TUBA1A: variants seen among roughly 807,000 people sequenced by gnomAD.
TUBA1A encodes tubulin alpha-1A chain.
TUBA1A carries 7 observed loss-of-function variants against 34.6 expected under a neutral mutation model. The ratio of observed to expected loss-of-function variants is 0.20; its 90% confidence interval spans 0.11 to 0.38. TUBA1A has a LOEUF of 0.38. TUBA1A is among the 10% of genes least tolerant of loss of function. The pLI is 1.00. For synonymous variants in TUBA1A, 193 were observed against 210.2 expected (o/e 0.92, Z 0.71); for missense variants, 19 against 581.3 (o/e 0.03, Z 9.95).
At position 49,188,663 on chromosome 12, in the gene TUBA1A, C is replaced by T; in HGVS notation, c.3+314G>A. Reference sequence around the variant, plus strand: ...AGACACGGGGCCCAGCCGGGACGCCCCAGACCCCTCGGTCGCGGCAGACGG... The same window carrying T: ...AGACACGGGGCCCAGCCGGGACGCCTCAGACCCCTCGGTCGCGGCAGACGG... On this transcript the variant is annotated intron_variant, in intron 1 of 3. Coordinates refer to ENST00000301071, the MANE Select transcript of TUBA1A (RefSeq NM_006009.4). This position sits in a 1 kb window ranked among gnomAD's most constrained non-coding sequence, Gnocchi z 4.9. 2 of 1,438,790 alleles carry T rather than the reference C, an allele frequency of 1.4e-6. No individual in the cohort carries two copies. Among genetic ancestry groups the T allele is most frequent in the South Asian group, 1.5e-5 (1 of 66,568 alleles). 89.1% of individuals were successfully genotyped at this position (1,438,790 alleles called of 1,614,324 possible). A position where few individuals can be genotyped will look rare whatever the true frequency, so the allele number is the denominator to read the frequency against.
At chr12:49,187,210 A>C in intron 1 of TUBA1A, 1 of 1,137,950 alleles carries the variant, frequency 8.8e-7, no homozygotes, top group East Asian at 6.7e-5. Context: ...CTTTTAAATA[A>C]AGATGAAAGT....
chr12:49,188,797 T>C lies in TUBA1A; in HGVS notation c.3+180A>G. 16 of 1,591,922 alleles carry C rather than the reference T, an allele frequency of 1.0e-5. No homozygotes were observed. Among genetic ancestry groups the C allele is most frequent in the Non-Finnish European group, 1.4e-5 (16 of 1,175,964 alleles). ...CTGGGCGCAGTACTGGCCCGGTTCC[T>C]GCACCCGCACTGCGGCGGCGGCGGG... On this transcript the variant is annotated intron_variant, in intron 1 of 3. Transcript: ENST00000301071. The surrounding 1 kb of genome is among the most constrained non-coding windows in gnomAD (Gnocchi z 4.9).
In TUBA1A at chr12:49,188,374, G is replaced by A. The variant is rs896245694; in HGVS notation, c.3+603C>T. The A allele has an allele frequency of 6.5e-7, 1 of 1,535,226 alleles. No individual in the cohort carries two copies. Among genetic ancestry groups the A allele is most frequent in the Admixed American group, 2.0e-5 (1 of 50,940 alleles). On this transcript the variant is annotated intron_variant, in intron 1 of 3. Coordinates refer to ENST00000301071, the MANE Select transcript of TUBA1A (RefSeq NM_006009.4). This position sits in a 1 kb window ranked among gnomAD's most constrained non-coding sequence, Gnocchi z 4.9. ...CAGAAACAAACAACCCCGCCCCTGC[G>A]CCGCCCTGACACCCGCTGCCGGGGG...
Position 49,188,878 on chromosome 12 carries a change from A to T in TUBA1A, c.3+99T>A, listed in dbSNP as rs1254644415. 3 of 1,612,956 alleles carry T rather than the reference A, an allele frequency of 1.9e-6. No homozygotes were observed. Among genetic ancestry groups the T allele is most frequent in the African/African-American group, 2.7e-5 (2 of 74,948 alleles). ...ACAAAACATACCACCACCCTCGCCCAGAGAGCTTACGAAAGAAAAGAGCTT... is the reference window on the plus strand; with the variant it reads ...ACAAAACATACCACCACCCTCGCCCTGAGAGCTTACGAAAGAAAAGAGCTT... On this transcript the variant is annotated intron_variant, in intron 1 of 3. Transcript: ENST00000301071. The surrounding 1 kb of genome is among the most constrained non-coding windows in gnomAD (Gnocchi z 4.9).
At chr12:49,187,794 G>A in intron 1 of TUBA1A, 2 of 983,996 alleles carry the variant, frequency 2.0e-6, no homozygotes, top group South Asian at 4.7e-5. Context: ...TTTTCATCCT[G>A]AGATTCTCTA....
In TUBA1A at chr12:49,184,858, A is replaced by T; in HGVS notation, c.*152T>A. 7.6e-7 allele frequency: 1 copy of T among 1,311,394 alleles called. No individual in the cohort carries two copies. The highest frequency in any genetic ancestry group is 2.3e-5 in the East Asian group (1 of 43,076). 81.2% of individuals were successfully genotyped at this position (1,311,394 alleles called of 1,614,324 possible). On this transcript the variant is annotated 3_prime_UTR_variant, in exon 4 of 4. Transcript: ENST00000301071. The stretch of plus-strand genomic sequence containing the variant: ...ACAGAAATGGACAGCTTGGGTCTGT[A>T]ACAAAGCATTCATGTTTTAGAGCAT...
intron 1 of TUBA1A, chr12:49,187,583 A>G: frequency 1.0e-6 from 1 of 982,386 alleles, no homozygotes; most frequent in Non-Finnish European, 1.2e-6. Context: ...CTTTGTCTGT[A>G]GCAATTTCAT....
At position 49,188,436 on chromosome 12, in the gene TUBA1A, GT is replaced by G. The variant is rs1164924665; in HGVS notation, c.3+540del. The G allele has an allele frequency of 6.5e-7, 1 of 1,535,806 alleles. No homozygotes were observed. Among genetic ancestry groups the G allele is most frequent in the Non-Finnish European group, 8.7e-7 (1 of 1,146,808 alleles). On this transcript the variant is annotated intron_variant, in intron 1 of 3. Coordinates refer to ENST00000301071, the MANE Select transcript of TUBA1A (RefSeq NM_006009.4). This position sits in a 1 kb window ranked among gnomAD's most constrained non-coding sequence, Gnocchi z 4.9. ...ACTCACCATGTTTTCCCGGGAATGTGTGGGTATCTTTCCAAAACGCCAAAGA... is the reference window on the plus strand; with the variant it reads ...ACTCACCATGTTTTCCCGGGAATGTGGGGTATCTTTCCAAAACGCCAAAGA...
In TUBA1A at chr12:49,189,049, G is replaced by A. The variant is rs1332495519; in HGVS notation, c.-70C>T. 5.0e-6 allele frequency: 8 copies of A among 1,603,212 alleles called. No homozygotes were observed. The highest frequency in any genetic ancestry group is 6.0e-6 in the Non-Finnish European group (7 of 1,170,278). On this transcript the variant is annotated 5_prime_UTR_variant, in exon 1 of 4. Transcript: ENST00000301071. ...GAGAGGTTGTTGCTTCTTACAGCGC[G>A]ACTCTTAGGCGGTCGATGTAAGAGA...
At chr12:49,187,915 G>C in intron 1 of TUBA1A, 23 of 983,482 alleles carry the variant, frequency 2.3e-5, no homozygotes, top group Non-Finnish European at 2.8e-5. Flanking sequence ...GGCGGGGCGG[G>C]GGGGCGGCGG....
rs1942208126 is a variant in TUBA1A, at chr12:49,188,321, C to T, written c.3+656G>A. Reference sequence around the variant, plus strand: ...GAAGAGGTTCAGTGAGGGCGAACCCCGCCCAGTGGCTCCAACGCCATAGAA... The same window carrying T: ...GAAGAGGTTCAGTGAGGGCGAACCCTGCCCAGTGGCTCCAACGCCATAGAA... On this transcript the variant is annotated intron_variant, in intron 1 of 3. Coordinates refer to ENST00000301071, the MANE Select transcript of TUBA1A (RefSeq NM_006009.4). The surrounding 1 kb of genome is among the most constrained non-coding windows in gnomAD (Gnocchi z 4.9). 1.6e-5 allele frequency: 24 copies of T among 1,516,960 alleles called. No homozygotes were observed. The highest frequency in any genetic ancestry group is 2.0e-5 in the Non-Finnish European group (23 of 1,134,056). The allele number at this position is 1,516,960 out of a possible 1,614,324, so 94.0% of individuals were successfully genotyped here.
In TUBA1A at chr12:49,188,577, G is replaced by A. The variant is rs950019668; in HGVS notation, c.3+400C>T. The A allele has an allele frequency of 1.2e-5, 18 of 1,470,060 alleles. No homozygotes were observed. In the African/African-American group the frequency reaches 2.2e-4, roughly 18 times the overall value. The allele number at this position is 1,470,060 out of a possible 1,614,324, so 91.1% of individuals were successfully genotyped here. A position where few individuals can be genotyped will look rare whatever the true frequency, so the allele number is the denominator to read the frequency against. ...TTTTTGGGTGCCTCCTCCTCTCCCG[G>A]TCCCCAGAGAACAACGCGAGACAGA... On this transcript the variant is annotated intron_variant, in intron 1 of 3. Transcript: ENST00000301071. This position sits in a 1 kb window ranked among gnomAD's most constrained non-coding sequence, Gnocchi z 4.9.
In TUBA1A at chr12:49,188,529, C is replaced by T; in HGVS notation, c.3+448G>A. 6.6e-7 allele frequency: 1 copy of T among 1,511,386 alleles called. No individual in the cohort carries two copies. Among genetic ancestry groups the T allele is most frequent in the East Asian group, 2.5e-5 (1 of 40,326 alleles). The allele number at this position is 1,511,386 out of a possible 1,614,324, so 93.6% of individuals were successfully genotyped here. ...TTCCCGTTCCCCCTCCCACGTCCCC[C>T]AGCTCGCCCAACGCCCCCGCTCTTT... On this transcript the variant is annotated intron_variant, in intron 1 of 3. Coordinates refer to ENST00000301071, the MANE Select transcript of TUBA1A (RefSeq NM_006009.4). The surrounding 1 kb of genome is among the most constrained non-coding windows in gnomAD (Gnocchi z 4.9).
intron 1 of TUBA1A, chr12:49,187,249 T>G (rs916639834): frequency 9.0e-7 from 1 of 1,109,458 alleles, no homozygotes; most frequent in Non-Finnish European, 1.1e-6. Context: ...GATATTATAA[T>G]CCGGACATCT....
chr12:49,188,686 C>G lies in TUBA1A; in HGVS notation c.3+291G>C, dbSNP rs949195166. On this transcript the variant is annotated intron_variant, in intron 1 of 3. Coordinates refer to ENST00000301071, the MANE Select transcript of TUBA1A (RefSeq NM_006009.4). This position sits in a 1 kb window ranked among gnomAD's most constrained non-coding sequence, Gnocchi z 4.9. ...CCCCAGACCCCTCGGTCGCGGCAGA[C>G]GGGCTGCCCGCGGCCCCCGAAAGTC... The G allele has an allele frequency of 7.0e-7, 1 of 1,437,456 alleles. No homozygotes were observed. Among genetic ancestry groups the G allele is most frequent in the Admixed American group, 2.9e-5 (1 of 35,054 alleles). The allele number at this position is 1,437,456 out of a possible 1,614,324, so 89.0% of individuals were successfully genotyped here.
Position 49,186,050 on chromosome 12 carries a change from T to A in TUBA1A, c.376-60A>T. On this transcript the variant is annotated intron_variant, in intron 3 of 3. Coordinates refer to ENST00000301071, the MANE Select transcript of TUBA1A (RefSeq NM_006009.4). This position sits in a 1 kb window ranked among gnomAD's most constrained non-coding sequence, Gnocchi z 6.6. ...GTTTTTATTCTTTGTAGTACAATCA[T>A]AGTAAATATATTTTCACTTTTCATA... The A allele has an allele frequency of 6.2e-7, 1 of 1,600,486 alleles. No individual in the cohort carries two copies. The highest frequency in any genetic ancestry group is 8.5e-7 in the Non-Finnish European group (1 of 1,174,034).
chr12:49,188,819 C>T lies in TUBA1A; in HGVS notation c.3+158G>A. On this transcript the variant is annotated intron_variant, in intron 1 of 3. Transcript: ENST00000301071. The surrounding 1 kb of genome is among the most constrained non-coding windows in gnomAD (Gnocchi z 4.9). ...TCCTGCACCCGCACTGCGGCGGCGG[C>T]GGGGCTTGAGGATTTGGGGCTAAGC... 1.3e-6 allele frequency: 2 copies of T among 1,597,590 alleles called. No homozygotes were observed. The highest frequency in any genetic ancestry group is 1.7e-4 in the Middle Eastern group (1 of 5,934).
Position 49,186,245 on chromosome 12 carries a change from A to G in TUBA1A, c.375+65T>C. The G allele has an allele frequency of 6.2e-7, 1 of 1,612,064 alleles. No individual in the cohort carries two copies. The highest frequency in any genetic ancestry group is 8.5e-7 in the Non-Finnish European group (1 of 1,179,846). ...CAGTTCAATTCTGTGTTTGAAAAAA[A>G]AAGCATTATTTCAAATGTGTTCTTT... On this transcript the variant is annotated intron_variant, in intron 3 of 3. Transcript: ENST00000301071. This position sits in a 1 kb window ranked among gnomAD's most constrained non-coding sequence, Gnocchi z 6.6.
intron 1 of TUBA1A, chr12:49,187,907 C>CGGGGCGGG: frequency 4.1e-5 from 1 of 24,272 alleles, no homozygotes; most frequent in Non-Finnish European, 4.8e-5. Context: ...GTGGTGGGGG[C>CGGGGCGGG]GGGGCGGGGG....
Sources: allele counts gnomAD v4.1 joint callset, GRCh38; gene constraint gnomAD v4.1.1; non-coding constraint Gnocchi (gnomAD v3.1); transcripts MANE v1.5; gene names NCBI Gene and HGNC (gene_info 2026-07-23, HGNC 2026-07-21).